Variants in MBNL1 observed in about 807,000 individuals in gnomAD.
MBNL1 encodes the protein muscleblind like splicing regulator 1.
A neutral mutation model predicts 42.2 loss-of-function variants in MBNL1; 8 were observed. The ratio of observed to expected loss-of-function variants is 0.19; its 90% CI spans 0.11 to 0.34. MBNL1 has a LOEUF of 0.34. MBNL1 is among the 10% of genes least tolerant of loss of function. MBNL1 has a pLI of 1.00. For missense variants in MBNL1, 309 were observed against 495.3 expected, an observed-to-expected ratio of 0.62 and a Z score of 3.57; for synonymous variants, 169 against 173.9, an observed-to-expected ratio of 0.97 and a Z score of 0.22.
intron 1 of MBNL1, among the ~76,000 whole-genome samples, chr3:152,293,237 G>C (rs2056970731): frequency 6.6e-6 from 1 of 152,148 alleles, no homozygotes; most frequent in Non-Finnish European, 1.5e-5. Flanking sequence ...CCCTCACTGA[G>C]AAATACTTAC....
At chr3:152,401,642 G>A (rs2098224422) in intron 2 of MBNL1, among the ~76,000 whole-genome samples, 2 of 152,114 alleles carry the variant, frequency 1.3e-5, no homozygotes, top group Admixed American at 6.6e-5. Flanking sequence ...AATGAACACA[G>A]GTCTCATTGG....
chr3:152,417,232 A>G (rs1323845472), intron 3 of MBNL1, among the ~76,000 whole-genome samples: 1 of 147,606 alleles, frequency 6.8e-6, no homozygotes, highest in Admixed American at 6.7e-5. Flanking sequence ...TGACATGGAG[A>G]TTCAGAAATG....
chr3:152,318,166 C>T (rs1452586290), intron 2 of MBNL1, among the ~76,000 whole-genome samples: 1 of 152,098 alleles, frequency 6.6e-6, no homozygotes, highest in African/African-American at 2.4e-5. Context: ...GAAAGGGCTG[C>T]TAAGGAAGTC....
intron 2 of MBNL1, among the ~76,000 whole-genome samples, chr3:152,259,168 T>C (rs1219238173): frequency 6.6e-6 from 1 of 152,136 alleles, no homozygotes; most frequent in Non-Finnish European, 1.5e-5. Context: ...AAATGACAAG[T>C]AGGAAAGTGC....
At chr3:152,258,656 T>C (rs6793413) in intron 2 of MBNL1, among the ~76,000 whole-genome samples, 3,693 of 152,314 alleles carry the variant, frequency 0.024, 148 homozygotes, top group African/African-American at 0.084. Flanking sequence ...GGTATGTATA[T>C]ATCTGTTGCC....
At chr3:152,441,789 C>T (rs1171370167) in intron 4 of MBNL1, among the ~76,000 whole-genome samples, 1 of 152,078 alleles carries the variant, frequency 6.6e-6, no homozygotes, top group Non-Finnish European at 1.5e-5. Context: ...AACCATTTAT[C>T]AAACAATATT....
chr3:152,338,433 C>T, intron 2 of MBNL1: 2 of 985,392 alleles, frequency 2.0e-6, no homozygotes, highest in Non-Finnish European at 2.4e-6. Context: ...GAGCACCGTG[C>T]TGGGTACCAT....
chr3:152,436,922 C>G (rs2099086128), intron 4 of MBNL1, among the ~76,000 whole-genome samples: 1 of 152,160 alleles, frequency 6.6e-6, no homozygotes, highest in African/African-American at 2.4e-5. Flanking sequence ...TTCTTGTTAA[C>G]AGGATCTGAT....
chr3:152,440,676 A>G (rs992381267), intron 4 of MBNL1, among the ~76,000 whole-genome samples: 1 of 152,252 alleles, frequency 6.6e-6, no homozygotes, highest in African/African-American at 2.4e-5. Flanking sequence ...TTTTAATTGT[A>G]CAATAAATTG....
chr3:152,388,735 G>A (rs935297536), intron 2 of MBNL1, among the ~76,000 whole-genome samples: 2 of 152,244 alleles, frequency 1.3e-5, no homozygotes, highest in Non-Finnish European at 2.9e-5. Context: ...GCTAGAGCTG[G>A]AAATCTGGAA....
chr3:152,430,903 G>C (rs1046545464), intron 3 of MBNL1, among the ~76,000 whole-genome samples: 3 of 152,246 alleles, frequency 2.0e-5, no homozygotes, highest in African/African-American at 7.2e-5. Flanking sequence ...CGACCTGGCA[G>C]AGCAGCTAAA....
chr3:152,412,712 G>T (rs2098611452), intron 2 of MBNL1, among the ~76,000 whole-genome samples: 1 of 152,126 alleles, frequency 6.6e-6, no homozygotes, highest in Non-Finnish European at 1.5e-5. Context: ...ATGTTCATTG[G>T]CAGGATGGTC....
chr3:152,424,845 G>A (rs1442719627), intron 3 of MBNL1, among the ~76,000 whole-genome samples: 1 of 152,154 alleles, frequency 6.6e-6, no homozygotes, highest in Non-Finnish European at 1.5e-5. Flanking sequence ...ATAATACATG[G>A]TGTTGGGAAA....
intron 9 of MBNL1, among the ~76,000 whole-genome samples, chr3:152,460,490 G>A (rs193167566): frequency 0.013 from 1,962 of 149,408 alleles, 41 homozygotes; most frequent in African/African-American, 0.046. Context: ...GGGAGGGATA[G>A]CATTGGGAGA....
chr3:152,397,598 A>G (rs2098026690), intron 2 of MBNL1, among the ~76,000 whole-genome samples: 1 of 152,092 alleles, frequency 6.6e-6, no homozygotes, highest in South Asian at 2.1e-4. Context: ...TTCTTTATCT[A>G]TGTTTTAAGC....
At chr3:152,288,786 G>A (rs754832098) in intron 1 of MBNL1, among the ~76,000 whole-genome samples, 3 of 152,110 alleles carry the variant, frequency 2.0e-5, no homozygotes, top group Non-Finnish European at 2.9e-5. Flanking sequence ...ATTACAAAAT[G>A]CAAATACTAT....
intron 2 of MBNL1, among the ~76,000 whole-genome samples, chr3:152,332,747 C>CGT (rs2086058044): frequency 1.3e-5 from 2 of 148,608 alleles, no homozygotes; most frequent in East Asian, 2.0e-4. Context: ...TGTGCGCGCG[C>CGT]GCATGCGCAC....
intron 2 of MBNL1, among the ~76,000 whole-genome samples, chr3:152,402,324 T>C (rs1026075826): frequency 6.6e-5 from 10 of 152,194 alleles, no homozygotes; most frequent in African/African-American, 1.9e-4. Flanking sequence ...ACGTTATCCC[T>C]AGCCTGGTAT....
intron 2 of MBNL1, among the ~76,000 whole-genome samples, chr3:152,371,480 C>T (rs1051767677): frequency 6.6e-6 from 1 of 152,092 alleles, no homozygotes; most frequent in Non-Finnish European, 1.5e-5. Context: ...GCCTGTAATC[C>T]CAACTACTTG....
Sources: allele counts gnomAD v4.1 joint callset (sites outside exome capture counted in the v4.1 genomes callset), GRCh38; gene constraint gnomAD v4.1.1; transcripts MANE v1.5; gene names NCBI Gene and HGNC (gene_info 2026-07-23, HGNC 2026-07-21).